Variants in ABCA13 observed in about 807,000 individuals in gnomAD.
ABCA13 encodes ATP binding cassette subfamily A member 13, also known as ATP-binding cassette sub-family A member 13.
A neutral mutation model predicts 478.7 loss-of-function variants in ABCA13; 476 were observed. The ratio of observed to expected loss-of-function variants is 0.99; its 90% CI spans 0.92 to 1.07. The LOEUF is 1.07. Ranked by LOEUF, ABCA13 falls within the 50% of genes least tolerant of loss-of-function variation. The pLI, the probability that ABCA13 is intolerant of heterozygous loss-of-function variation, is 0.00. For missense variants in ABCA13, 6,060 were observed against 5,910.6 expected (o/e 1.03, Z -0.83); for synonymous variants, 2,252 against 2,158.9 (o/e 1.04, Z -1.20).
chr7:48,514,804 C>G (rs1360177792), intron 51 of ABCA13, among the ~76,000 whole-genome samples: 2 of 152,008 alleles, frequency 1.3e-5, no homozygotes, highest in Admixed American at 6.5e-5. Flanking sequence ...TGACTTATCT[C>G]TCTGGTAATT....
intron 18 of ABCA13, 50 bp downstream of exon 18, chr7:48,279,970 A>G (rs774972746): frequency 1.2e-5 from 18 of 1,466,662 alleles, no homozygotes; most frequent in Middle Eastern, 3.9e-4. Flanking sequence ...CGCAGTAGCT[A>G]TAAAATAGAA....
intron 55 of ABCA13, among the ~76,000 whole-genome samples, chr7:48,576,216 A>T (rs1459620072): frequency 6.6e-6 from 1 of 152,130 alleles, no homozygotes; most frequent in South Asian, 2.1e-4. Context: ...ATATAGAAAA[A>T]CGACTGTACT....
chr7:48,508,645 T>A (rs1831420177), intron 50 of ABCA13, among the ~76,000 whole-genome samples: 1 of 152,214 alleles, frequency 6.6e-6, no homozygotes, highest in South Asian at 2.1e-4. Context: ...TCTACTGTCA[T>A]TGTTCTCTGG....
In ABCA13 at chr7:48,275,247, C is replaced by T. The variant is rs753699907; in HGVS notation, c.5581C>T (p.His1861Tyr). ...TGGCAAAGTGGCCAGTATACTTGAT[C>T]ATTTCCACCTGTCTCCCCAAGGTGA... ...FYGKVASILD[H>Y]FHLSPQGEDS... Residue 1861 changes from histidine (H) to tyrosine (Y), a missense_variant, in exon 17 of 62, where the codon CAT becomes TAT. Transcript: ENST00000435803. The T allele has an allele frequency of 2.5e-6, 4 of 1,613,754 alleles. No homozygotes were observed. The highest frequency in any genetic ancestry group is 3.4e-6 in the Non-Finnish European group (4 of 1,179,844).
intron 5 of ABCA13, among the ~76,000 whole-genome samples, chr7:48,222,720 T>C (rs995920816): frequency 2.0e-5 from 3 of 152,188 alleles, no homozygotes; most frequent in African/African-American, 7.2e-5. Context: ...TTTGTTACAA[T>C]GAAAGAGTTC....
chr7:48,410,957 T>C (rs968147246), intron 40 of ABCA13, among the ~76,000 whole-genome samples: 1 of 152,144 alleles, frequency 6.6e-6, no homozygotes, highest in African/African-American at 2.4e-5. Flanking sequence ...ATATGACCTA[T>C]GTATTCTAGA....
chr7:48,505,352 C>G (rs1317604230), intron 48 of ABCA13, among the ~76,000 whole-genome samples: 1 of 152,126 alleles, frequency 6.6e-6, no homozygotes, highest in Non-Finnish European at 1.5e-5. Flanking sequence ...TTTTTGTAGG[C>G]TTACTTATAC....
chr7:48,293,546 C>T lies in ABCA13; in HGVS notation c.8956-2154C>T, dbSNP rs182166446. ...TAAAATGTGATGAAGCAAATAAATT[C>T]TGATGATGTAAAATAAAGTATTTAT... On this transcript the variant is annotated intron_variant, in intron 20 of 61. Transcript: ENST00000435803. Among the ~76,000 whole-genome samples, 54 of 152,214 alleles carry T rather than the reference C, an allele frequency of 3.5e-4. No homozygotes were observed. In the East Asian group the frequency reaches 9.7e-3, roughly 27 times the overall value.
At chr7:48,608,947 TTTGTTG>T (rs561500969) in intron 58 of ABCA13, among the ~76,000 whole-genome samples, 1 of 152,124 alleles carries the variant, frequency 6.6e-6, no homozygotes, top group African/African-American at 2.4e-5. Context: ...TACCCTGGGA[TTTGTTG>T]TTGTTGTTGT....
At chr7:48,197,878 T>C (rs1798150422) in intron 2 of ABCA13, among the ~76,000 whole-genome samples, 1 of 152,186 alleles carries the variant, frequency 6.6e-6, no homozygotes, top group African/African-American at 2.4e-5. Flanking sequence ...GGAAGAAGCA[T>C]CCTTTCTATT....
At chr7:48,441,641 C>T (rs1823604201) in intron 42 of ABCA13, among the ~76,000 whole-genome samples, 1 of 152,190 alleles carries the variant, frequency 6.6e-6, no homozygotes, top group Non-Finnish European at 1.5e-5. Flanking sequence ...GAAGTCACTT[C>T]TTCATGGAGA....
chr7:48,215,581 C>G (rs1014533459), intron 3 of ABCA13, among the ~76,000 whole-genome samples: 2 of 152,070 alleles, frequency 1.3e-5, no homozygotes, highest in Admixed American at 6.6e-5. Context: ...GTGAAAAATA[C>G]AGTATCTGTG....
At position 48,624,854 on chromosome 7, in the gene ABCA13, CTGTT is replaced by C. The variant is rs917902466; in HGVS notation, c.14837+9487_14837+9490del. ...ACAGGTGTGACTCAAGGCACCCAGC[CTGTT>C]TGTTTGTTTTTCTTTCTTTCTTTCT... On this transcript the variant is annotated intron_variant, in intron 59 of 61. Transcript: ENST00000435803. Among the ~76,000 whole-genome samples the C allele has an allele frequency of 5.3e-5, 8 of 152,106 alleles. 1 individual carries two copies. Among genetic ancestry groups the C allele is most frequent in the South Asian group, 4.1e-4 (2 of 4,832 alleles).
rs1239090578 is a variant in ABCA13 at position 48,520,034 on chromosome 7, T to A, written c.13798-7T>A. ...ATTGGATTTTTTTTCTTTTTTTCAC[T>A]GTGCAGAATTTACAGAATATCTATG... On this transcript the variant is annotated splice_polypyrimidine_tract_variant and splice_region_variant and intron_variant, in intron 52 of 61. Transcript: ENST00000435803. The A allele has an allele frequency of 1.3e-6, 2 of 1,585,740 alleles. No individual in the cohort carries two copies. The highest frequency in any genetic ancestry group is 4.5e-5 in the East Asian group (2 of 44,346).
At chr7:48,364,385 A>T (rs2129011013) in intron 31 of ABCA13, among the ~76,000 whole-genome samples, 1 of 152,340 alleles carries the variant, frequency 6.6e-6, no homozygotes, top group Non-Finnish European at 1.5e-5. Context: ...TAATTGAGAT[A>T]GCCATCACTT....
chr7:48,515,280 T>C (rs1832022234), intron 51 of ABCA13, among the ~76,000 whole-genome samples: 1 of 152,174 alleles, frequency 6.6e-6, no homozygotes. Flanking sequence ...TTTGGGAAAG[T>C]TGTGATTCAA....
intron 56 of ABCA13, among the ~76,000 whole-genome samples, chr7:48,584,937 G>A (rs959245706): frequency 5.3e-5 from 8 of 152,248 alleles, no homozygotes; most frequent in Admixed American, 2.6e-4. Flanking sequence ...GGTCTATCAT[G>A]CTCTTAGTTT....
In ABCA13 at chr7:48,455,155, CG is replaced by C. The variant is rs1563285335; in HGVS notation, c.12685del (p.Asp4229ThrfsTer18). On this transcript the variant is annotated frameshift_variant, in exon 43 of 62. Transcript: ENST00000435803. LOFTEE classifies it high-confidence loss of function. ...TGCGCGCCGGGAAGAGCACCCTCGC[CG>C]ACCTGCTGCTGCCAGTCCTCTTCGT... ...TLRAGKSTLA[D>X]LLLPVLFVAL... 1 of 1,580,580 alleles carries C rather than the reference CG, an allele frequency of 6.3e-7. No homozygotes were observed.
chr7:48,429,782 G>GTTGC (rs760839565), intron 42 of ABCA13, among the ~76,000 whole-genome samples: 1 of 152,128 alleles, frequency 6.6e-6, no homozygotes, highest in African/African-American at 2.4e-5. Flanking sequence ...GGTGTTGGAT[G>GTTGC]TTGCCAAATG....
Sources: gnomAD v4.1 joint callset for allele counts (sites outside exome capture counted in the v4.1 genomes callset) on GRCh38, gnomAD v4.1.1 for gene constraint, MANE v1.5 for transcripts, NCBI Gene and HGNC (gene_info 2026-07-23, HGNC 2026-07-21) for gene names.